Variants in ZC3H12B observed in about 807,000 individuals in gnomAD.
ZC3H12B encodes the protein zinc finger CCCH-type containing 12B, also known as probable ribonuclease ZC3H12B.
In ZC3H12B, 7 loss-of-function variants were observed where a neutral mutation model predicts 43.9. The ratio of observed to expected loss-of-function variants is 0.16; its 90% CI spans 0.09 to 0.30. The LOEUF (loss-of-function observed/expected upper bound fraction) is 0.30. Among genes scored for constraint, ZC3H12B ranks in the 10% least tolerant of loss-of-function variants. The pLI is 1.00. For synonymous variants in ZC3H12B, 222 were observed against 241.7 expected, an observed-to-expected ratio of 0.92 and a Z score of 0.76; for missense variants, 475 against 670.2, an observed-to-expected ratio of 0.71 and a Z score of 3.22.
chrX:65,251,645 G>A, the ZC3H12B span, among the ~76,000 whole-genome samples: 1 of 111,381 alleles, frequency 9.0e-6, no homozygotes, highest in Non-Finnish European at 1.9e-5. Flanking sequence ...TCCTTGAAAA[G>A]GTCCTTCACA....
chrX:65,365,921 T>C (rs1009775140), upstream of ZC3H12B, among the ~76,000 whole-genome samples: 21 of 110,022 alleles, frequency 1.9e-4, no homozygotes, highest in African/African-American at 6.9e-4. Context: ...GACTCTCTTT[T>C]TGGACTCAAC....
chrX:65,113,645 A>T, the ZC3H12B span, among the ~76,000 whole-genome samples: 1 of 110,276 alleles, frequency 9.1e-6, no homozygotes, highest in Non-Finnish European at 1.9e-5. Context: ...TGCAAACTTC[A>T]TTGTTGTCTT....
chrX:65,139,900 T>TTAAC, the ZC3H12B span, among the ~76,000 whole-genome samples: 1 of 111,483 alleles, frequency 9.0e-6, no homozygotes, highest in South Asian at 3.7e-4. Flanking sequence ...TTGTTGTTAG[T>TTAAC]ATATAGGAAT....
At chrX:65,306,270 T>A in the ZC3H12B span, among the ~76,000 whole-genome samples, 1 of 112,492 alleles carries the variant, frequency 8.9e-6, no homozygotes, top group Non-Finnish European at 1.9e-5. Flanking sequence ...ACACTGTTAG[T>A]GGGATTGTAA....
chrX:65,059,870 A>G, the ZC3H12B span, among the ~76,000 whole-genome samples: 2 of 111,840 alleles, frequency 1.8e-5, no homozygotes, highest in Admixed American at 9.5e-5. Flanking sequence ...ATATTTTTCC[A>G]TATTTTGGTG....
chrX:65,082,937 C>G, the ZC3H12B span, among the ~76,000 whole-genome samples: 2 of 109,969 alleles, frequency 1.8e-5, no homozygotes, highest in African/African-American at 6.6e-5. Flanking sequence ...CTCTGGGATT[C>G]AAGAATAGTT....
intron 2 of ZC3H12B, among the ~76,000 whole-genome samples, chrX:65,384,878 T>C (rs886743473): frequency 1.8e-5 from 2 of 112,450 alleles, no homozygotes; most frequent in Non-Finnish European, 3.8e-5. Context: ...GCTAGCCAGT[T>C]TTCCCAGCAC....
At chrX:65,073,117 A>G in the ZC3H12B span, among the ~76,000 whole-genome samples, 3 of 112,158 alleles carry the variant, frequency 2.7e-5, no homozygotes, top group African/African-American at 3.2e-5. Context: ...TCTGACTGCA[A>G]TGGTATGGTT....
the ZC3H12B span, among the ~76,000 whole-genome samples, chrX:65,153,619 T>C: frequency 8.9e-6 from 1 of 112,124 alleles, no homozygotes; most frequent in Non-Finnish European, 1.9e-5. Flanking sequence ...GGAACACTTT[T>C]ACACTGTTGG....
chrX:65,377,277 C>G (rs894952692), intron 2 of ZC3H12B, among the ~76,000 whole-genome samples: 2 of 108,627 alleles, frequency 1.8e-5, no homozygotes, highest in African/African-American at 3.3e-5. Context: ...TAGAAAACGG[C>G]CTCGTAAGAG....
At chrX:65,456,209 C>T (rs1326049882) in intron 3 of ZC3H12B, among the ~76,000 whole-genome samples, 2 of 111,366 alleles carry the variant, frequency 1.8e-5, no homozygotes, top group Non-Finnish European at 3.8e-5. Flanking sequence ...CAAGACGCAT[C>T]AGTGTGCTGT....
At chrX:65,067,075 C>T in the ZC3H12B span, among the ~76,000 whole-genome samples, 1 of 111,068 alleles carries the variant, frequency 9.0e-6, no homozygotes, top group Non-Finnish European at 1.9e-5. Flanking sequence ...GCTTGCTTTG[C>T]TCTGTGGGGG....
At chrX:65,456,695 C>T (rs1396227236) in intron 3 of ZC3H12B, among the ~76,000 whole-genome samples, 7 of 108,645 alleles carry the variant, frequency 6.4e-5, no homozygotes, top group African/African-American at 1.7e-4. Context: ...CAGCCAGCCT[C>T]GGCCTCCCGA....
At chrX:65,256,773 AAGATAGACTGC>A in the ZC3H12B span, among the ~76,000 whole-genome samples, 1 of 112,035 alleles carries the variant, frequency 8.9e-6, no homozygotes, top group Non-Finnish European at 1.9e-5. Context: ...AAGAATTAGT[AAGATAGACTGC>A]CAGCAAGGAT....
the ZC3H12B span, among the ~76,000 whole-genome samples, chrX:65,233,952 A>C: frequency 1.8e-5 from 2 of 111,619 alleles, no homozygotes; most frequent in Non-Finnish European, 3.8e-5. Flanking sequence ...CAATTATTTA[A>C]AGAAGAACTA....
At chrX:65,343,628 G>A in the ZC3H12B span, among the ~76,000 whole-genome samples, 18 of 111,787 alleles carry the variant, frequency 1.6e-4, no homozygotes, top group South Asian at 3.7e-4. Context: ...ATTTAACACC[G>A]CTTCATTTTA....
chrX:65,125,276 A>G, the ZC3H12B span, among the ~76,000 whole-genome samples: 1 of 111,527 alleles, frequency 9.0e-6, no homozygotes, highest in Non-Finnish European at 1.9e-5. Flanking sequence ...TTTAATTTCC[A>G]TGTATTTGCT....
At chrX:65,325,827 G>C in the ZC3H12B span, among the ~76,000 whole-genome samples, 6 of 111,209 alleles carry the variant, frequency 5.4e-5, no homozygotes, top group African/African-American at 1.9e-4. Context: ...CAAACAGCAT[G>C]GAACTGGAAT....
chrX:65,325,185 C>G, the ZC3H12B span, among the ~76,000 whole-genome samples: 45 of 110,645 alleles, frequency 4.1e-4, no homozygotes, highest in Non-Finnish European at 6.5e-4. Flanking sequence ...ATCCTAATAT[C>G]CAGAATAATA....
Sources: gnomAD v4.1 joint callset for allele counts (sites outside exome capture counted in the v4.1 genomes callset) on GRCh38, gnomAD v4.1.1 for gene constraint, MANE v1.5 for transcripts, NCBI Gene and HGNC (gene_info 2026-07-23, HGNC 2026-07-21) for gene names.